The following ROR2 variants were observed in gnomAD, a reference collection of about 807,000 sequenced individuals.
ROR2 encodes the protein tyrosine-protein kinase transmembrane receptor ROR2.
ROR2 carries 33 observed loss-of-function variants against 74.9 expected under a neutral mutation model. The observed-to-expected ratio is 0.44, with a 90% CI of 0.33 to 0.59. ROR2 has a LOEUF of 0.59. Ranked by LOEUF, ROR2 falls within the 20% of genes least tolerant of loss-of-function variation. ROR2 has a pLI of 0.02. For missense variants in ROR2, 1,216 were observed against 1,313.8 expected, an observed-to-expected ratio of 0.93 and a Z score of 1.15; for synonymous variants, 586 against 558.7, an observed-to-expected ratio of 1.05 and a Z score of -0.69.
chr9:91,742,498 C>T (rs59418928), intron 4 of ROR2, among the ~76,000 whole-genome samples: 9,047 of 152,266 alleles, frequency 0.059, 358 homozygotes, highest in Middle Eastern at 0.1. Context: ...AAGAACTAAA[C>T]AGGAAGCCTA....
rs187670162 is a variant in ROR2, at chr9:91,780,304, G to A, written c.98-4486C>T. ...AGGCAGGAGAATGGCGTGAAGCTGG[G>A]AGGCGGAGCTTGCAGTGAGCCGAGA... On this transcript the variant is annotated intron_variant, in intron 1 of 8. Transcript: ENST00000375708. Among the ~76,000 whole-genome samples, 391 of 152,110 alleles carry A rather than the reference G, an allele frequency of 2.6e-3. 7 individuals carry two copies. Among genetic ancestry groups the A allele is most frequent in the Admixed American group, 0.019 (284 of 15,284 alleles).
At chr9:91,777,705 A>G (rs1238239701) in intron 1 of ROR2, among the ~76,000 whole-genome samples, 1 of 152,098 alleles carries the variant, frequency 6.6e-6, no homozygotes, top group East Asian at 1.9e-4. Flanking sequence ...CGCCAACTCT[A>G]TCCTGTCTCC....
At chr9:91,857,402 C>T (rs967983659) in intron 1 of ROR2, among the ~76,000 whole-genome samples, 4 of 152,194 alleles carry the variant, frequency 2.6e-5, no homozygotes, top group East Asian at 1.9e-4. Context: ...GCCAGGGCTT[C>T]GGCAGGATTT....
rs964020114 is a variant in ROR2 at position 91,781,944 on chromosome 9, A to T, written c.98-6126T>A. 7.9e-5 allele frequency among the ~76,000 whole-genome samples: 12 copies of T among 152,282 alleles called. No individual in the cohort carries two copies. In the East Asian group the frequency reaches 2.1e-3, roughly 27 times the overall value. The stretch of plus-strand genomic sequence containing the variant: ...AAGCTCTTTCTACTTTCTGTCTCTG[A>T]CAGCCCCCAGAGCCCCCAACAAAAG... On this transcript the variant is annotated intron_variant, in intron 1 of 8. Coordinates refer to ENST00000375708, the MANE Select transcript of ROR2 (RefSeq NM_004560.4).
chr9:91,847,742 G>C (rs2119240523), intron 1 of ROR2, among the ~76,000 whole-genome samples: 1 of 152,236 alleles, frequency 6.6e-6, no homozygotes, highest in Admixed American at 6.5e-5. Flanking sequence ...TGCCGGCCAG[G>C]AGATGCTGGT....
At chr9:91,937,845 T>C (rs1054362208) in intron 1 of ROR2, among the ~76,000 whole-genome samples, 2 of 152,094 alleles carry the variant, frequency 1.3e-5, no homozygotes, top group African/African-American at 4.8e-5. Flanking sequence ...TCCCGAGTAG[T>C]TGGGACTACA....
chr9:91,796,473 C>T lies in ROR2; in HGVS notation c.98-20655G>A, dbSNP rs1294887767. ...AAAAAAAACATTTTCACATGTTTTA[C>T]CTTTTCTTTCCAAATTCTCATGGCA... On this transcript the variant is annotated intron_variant, in intron 1 of 8. Coordinates refer to ENST00000375708, the MANE Select transcript of ROR2 (RefSeq NM_004560.4). Among the ~76,000 whole-genome samples the T allele has an allele frequency of 3.3e-5, 5 of 150,612 alleles. 1 individual carries two copies. The highest frequency in any genetic ancestry group is 1.2e-4 in the African/African-American group (5 of 40,802).
chr9:91,790,512 T>TAAAAAA (rs60624626), intron 1 of ROR2, among the ~76,000 whole-genome samples: 1 of 137,492 alleles, frequency 7.3e-6, no homozygotes, highest in African/African-American at 2.7e-5. Context: ...CCGTCTCAAT[T>TAAAAAA]AAAAAAAAAA....
intron 1 of ROR2, among the ~76,000 whole-genome samples, chr9:91,845,151 G>A (rs1057100018): frequency 6.6e-6 from 1 of 152,030 alleles, no homozygotes; most frequent in African/African-American, 2.4e-5. Flanking sequence ...CCTCTGTCCA[G>A]CGACTCAAGA....
At chr9:91,756,792 C>A (rs987753057) in intron 3 of ROR2, among the ~76,000 whole-genome samples, 4 of 145,860 alleles carry the variant, frequency 2.7e-5, no homozygotes, top group Admixed American at 7.1e-5. Context: ...CTCTTGTCAC[C>A]CATGCTGGAA....
intron 1 of ROR2, among the ~76,000 whole-genome samples, chr9:91,942,681 G>C (rs1465599299): frequency 2.0e-5 from 3 of 152,014 alleles, no homozygotes; most frequent in Non-Finnish European, 4.4e-5. Flanking sequence ...AGGAACATGA[G>C]ATTAAATCAT....
intron 1 of ROR2, among the ~76,000 whole-genome samples, chr9:91,899,156 A>G (rs1385673473): frequency 2.6e-5 from 4 of 152,160 alleles, no homozygotes; most frequent in Non-Finnish European, 5.9e-5. Context: ...AAACACATGG[A>G]CCGGAAAGGG....
At chr9:91,929,340 C>T (rs944516370) in intron 1 of ROR2, among the ~76,000 whole-genome samples, 4 of 152,150 alleles carry the variant, frequency 2.6e-5, no homozygotes, top group Admixed American at 1.3e-4. Flanking sequence ...GTTACCGCAG[C>T]CACAGAGGAA....
At chr9:91,726,023 G>C (rs1440225390) in intron 8 of ROR2, among the ~76,000 whole-genome samples, 3 of 152,226 alleles carry the variant, frequency 2.0e-5, no homozygotes, top group Admixed American at 6.5e-5. Flanking sequence ...TGCAGCACAT[G>C]TTCTCATCTG....
chr9:91,784,121 C>T (rs968885947), intron 1 of ROR2, among the ~76,000 whole-genome samples: 3 of 152,146 alleles, frequency 2.0e-5, no homozygotes, highest in South Asian at 2.1e-4. Flanking sequence ...CACCACAGCC[C>T]GGCCTCCCGT....
intron 1 of ROR2, among the ~76,000 whole-genome samples, chr9:91,819,691 TG>T (rs1828077229): frequency 6.6e-6 from 1 of 152,212 alleles, no homozygotes; most frequent in South Asian, 2.1e-4. Flanking sequence ...TCTGTCTTTG[TG>T]TGTTTTTCAG....
chr9:91,836,486 G>C (rs1268110151), intron 1 of ROR2, among the ~76,000 whole-genome samples: 1 of 149,702 alleles, frequency 6.7e-6, no homozygotes, highest in African/African-American at 2.5e-5. Flanking sequence ...ACTGCAGTAA[G>C]CCAAGATCGC....
chr9:91,844,378 C>G (rs1184775609), intron 1 of ROR2, among the ~76,000 whole-genome samples: 1 of 152,040 alleles, frequency 6.6e-6, no homozygotes, highest in African/African-American at 2.4e-5. Flanking sequence ...TTCCACAGAC[C>G]AGCGCTTGTT....
At chr9:91,937,808 G>C (rs1452053109) in intron 1 of ROR2, among the ~76,000 whole-genome samples, 2 of 152,120 alleles carry the variant, frequency 1.3e-5, no homozygotes, top group African/African-American at 4.8e-5. Flanking sequence ...TGAACTCCTG[G>C]GCTCAAGTGA....
Sources: gnomAD v4.1 joint callset for allele counts (sites outside exome capture counted in the v4.1 genomes callset) on GRCh38, gnomAD v4.1.1 for gene constraint, MANE v1.5 for transcripts, NCBI Gene and HGNC (gene_info 2026-07-23, HGNC 2026-07-21) for gene names.